The following LPAR1 variants were observed in gnomAD, a reference collection of about 807,000 sequenced individuals.
LPAR1 encodes the protein LPA receptor 1.
A neutral mutation model predicts 23.8 loss-of-function variants in LPAR1; 5 were observed. The ratio of observed to expected loss-of-function variants is 0.21; its 90% confidence interval spans 0.11 to 0.44. LPAR1 has a LOEUF of 0.44. Ranked by LOEUF, LPAR1 falls within the 20% of genes least tolerant of loss-of-function variation. The probability of loss-of-function intolerance (pLI) is 0.99; values close to 1 mark genes in which losing one functional copy is unlikely to be tolerated. For synonymous variants in LPAR1, 160 were observed against 164.7 expected (o/e 0.97, Z 0.22); for missense variants, 311 against 482.8 (o/e 0.64, Z 3.33).
At chr9:110,917,853 T>C (rs1334934741) in intron 5 of LPAR1, among the ~76,000 whole-genome samples, 1 of 152,198 alleles carries the variant, frequency 6.6e-6, no homozygotes, top group Non-Finnish European at 1.5e-5. Flanking sequence ...TTTTCTTGCT[T>C]ATTTTAAACT....
rs532745067 is a variant in LPAR1, at chr9:110,991,887, C to A, written c.-181-18329G>T. The stretch of plus-strand genomic sequence containing the variant: ...GGATTACAGGCGTGAGCCACCACTC[C>A]TGGCCAACAGAACCTTTCTGAAAGA... On this transcript the variant is annotated intron_variant, in intron 2 of 5. Transcript: ENST00000683809. 2.1e-3 allele frequency among the ~76,000 whole-genome samples: 314 copies of A among 152,252 alleles called. 3 individuals carry two copies. The highest frequency in any genetic ancestry group is 7.3e-3 in the African/African-American group (302 of 41,534).
In LPAR1 at chr9:110,874,053, C is replaced by G. The variant is rs2078620924; in HGVS notation, c.*1368G>C. On this transcript the variant is annotated 3_prime_UTR_variant, in exon 6 of 6. Transcript: ENST00000683809. ...CCTCACAACTGCCACCCATGCAGTACAAAAGCAGGAAATCCCTTTTCATGA... is the reference window on the plus strand; with the variant it reads ...CCTCACAACTGCCACCCATGCAGTAGAAAAGCAGGAAATCCCTTTTCATGA... The G allele has an allele frequency of 6.6e-6, 1 of 152,518 alleles. No individual in the cohort carries two copies. Among genetic ancestry groups the G allele is most frequent in the Admixed American group, 6.6e-5 (1 of 15,256 alleles). 9.4% of individuals were successfully genotyped at this position (152,518 alleles called of 1,614,324 possible). A position where few individuals can be genotyped will look rare whatever the true frequency, so the allele number is the denominator to read the frequency against.
chr9:110,978,276 G>A (rs2096601243), intron 2 of LPAR1, among the ~76,000 whole-genome samples: 1 of 152,090 alleles, frequency 6.6e-6, no homozygotes, highest in Non-Finnish European at 1.5e-5. Context: ...CAATGAAGCA[G>A]AAAGTAGAAT....
chr9:110,875,312 G>A lies in LPAR1; in HGVS notation c.*109C>T, dbSNP rs1359901264. ...GTCATTGGTTAGTGTTTAAGTACATGAGTTGACTTTTCTCCTCTCTCACAC... is the reference window on the plus strand; with the variant it reads ...GTCATTGGTTAGTGTTTAAGTACATAAGTTGACTTTTCTCCTCTCTCACAC... On this transcript the variant is annotated 3_prime_UTR_variant, in exon 6 of 6. Coordinates refer to ENST00000683809, the MANE Select transcript of LPAR1 (RefSeq NM_001351411.2). 1 of 842,674 alleles carries A rather than the reference G, an allele frequency of 1.2e-6. No homozygotes were observed. The highest frequency in any genetic ancestry group is 1.8e-6 in the Non-Finnish European group (1 of 548,420). The allele number at this position is 842,674 out of a possible 1,614,324, so 52.2% of individuals were successfully genotyped here.
At chr9:110,982,104 A>G in intron 2 of LPAR1, among the ~76,000 whole-genome samples, 1 of 152,188 alleles carries the variant, frequency 6.6e-6, no homozygotes, top group East Asian at 1.9e-4. Context: ...ATACCATTTG[A>G]CTCAGCCATC....
intron 4 of LPAR1, 92 bp downstream of exon 4, chr9:110,971,981 A>G: frequency 9.4e-7 from 1 of 1,061,260 alleles, no homozygotes; most frequent in Admixed American, 1.7e-5. Flanking sequence ...GATATACATG[A>G]TCCCTAGAGT....
intron 4 of LPAR1, among the ~76,000 whole-genome samples, chr9:110,967,611 A>T (rs971055): frequency 0.42 from 63,522 of 152,062 alleles, 13,942 homozygotes; most frequent in Non-Finnish European, 0.47. Context: ...TGGAAAAGAA[A>T]GCAAGTTGAT....
intron 5 of LPAR1, among the ~76,000 whole-genome samples, chr9:110,906,793 A>C (rs2091339106): frequency 1.3e-5 from 2 of 152,200 alleles, no homozygotes; most frequent in South Asian, 4.1e-4. Context: ...CATAACAAAT[A>C]TATCACATAA....
chr9:110,935,628 C>CA (rs1034249628), intron 5 of LPAR1, among the ~76,000 whole-genome samples: 10 of 151,818 alleles, frequency 6.6e-5, no homozygotes, highest in East Asian at 1.9e-4. Flanking sequence ...GGCTCTAAAA[C>CA]AAAAAAAAGA....
intron 2 of LPAR1, among the ~76,000 whole-genome samples, chr9:110,996,522 C>A (rs1460234231): frequency 1.3e-5 from 2 of 152,070 alleles, no homozygotes; most frequent in African/African-American, 4.8e-5. Context: ...GAAGAAGAAA[C>A]AACCAGACTC....
At chr9:110,882,741 C>T (rs528441958) in intron 5 of LPAR1, among the ~76,000 whole-genome samples, 2 of 151,314 alleles carry the variant, frequency 1.3e-5, no homozygotes, top group East Asian at 2.0e-4. Flanking sequence ...GAGTAGGGGA[C>T]GGTGCTTTGG....
intron 2 of LPAR1, among the ~76,000 whole-genome samples, chr9:111,019,448 G>A (rs545399570): frequency 1.3e-5 from 2 of 152,186 alleles, no homozygotes; most frequent in South Asian, 2.1e-4. Context: ...CCACTAAAAC[G>A]GGATGAAGAA....
intron 4 of LPAR1, among the ~76,000 whole-genome samples, chr9:110,955,725 A>AC (rs989343798): frequency 1.3e-5 from 2 of 151,950 alleles, no homozygotes; most frequent in African/African-American, 4.8e-5. Flanking sequence ...TAGAAAAAAA[A>AC]AAACACAAAT....
chr9:110,978,613 T>C (rs2138780372), intron 2 of LPAR1, among the ~76,000 whole-genome samples: 1 of 152,238 alleles, frequency 6.6e-6, no homozygotes, highest in Non-Finnish European at 1.5e-5. Flanking sequence ...AGCCCAAACC[T>C]GGAGGAACAA....
intron 5 of LPAR1, among the ~76,000 whole-genome samples, chr9:110,893,491 T>C (rs1016471460): frequency 5.9e-5 from 9 of 152,198 alleles, no homozygotes; most frequent in African/African-American, 2.2e-4. Flanking sequence ...ACTTATAAAA[T>C]TGCTATAGGT....
In LPAR1 at chr9:110,887,362, T is replaced by C. The variant is rs530070475; in HGVS notation, c.794-11640A>G. On this transcript the variant is annotated intron_variant, in intron 5 of 5. Coordinates refer to ENST00000683809, the MANE Select transcript of LPAR1 (RefSeq NM_001351411.2). ...AATGTTTATATTTATATAAATATAA[T>C]TTTTAATAGCCAAAAGACATGAAAA... Among the ~76,000 whole-genome samples, 15 of 152,132 alleles carry C rather than the reference T, an allele frequency of 9.9e-5. No homozygotes were observed. In the East Asian group the frequency reaches 2.9e-3, roughly 29 times the overall value.
At chr9:110,902,887 G>C (rs2089799359) in intron 5 of LPAR1, among the ~76,000 whole-genome samples, 1 of 152,128 alleles carries the variant, frequency 6.6e-6, no homozygotes, top group African/African-American at 2.4e-5. Flanking sequence ...CACCCCTTCA[G>C]GTAGCACCAG....
chr9:110,946,740 A>G (rs2095396469), intron 4 of LPAR1, among the ~76,000 whole-genome samples: 1 of 152,154 alleles, frequency 6.6e-6, no homozygotes, highest in South Asian at 2.1e-4. Context: ...CCCACAGAAC[A>G]TGATTCTAAA....
chr9:110,971,706 A>C (rs111274233), intron 4 of LPAR1, among the ~76,000 whole-genome samples: 35 of 150,402 alleles, frequency 2.3e-4, no homozygotes, highest in African/African-American at 8.3e-4. Context: ...CCATTCTGAT[A>C]TATTTCATTA....
Sources: allele counts gnomAD v4.1 joint callset (sites outside exome capture counted in the v4.1 genomes callset), GRCh38; gene constraint gnomAD v4.1.1; transcripts MANE v1.5; gene names NCBI Gene and HGNC (gene_info 2026-07-23, HGNC 2026-07-21).